Variants in C6orf141 observed in about 807,000 individuals in gnomAD.
C6orf141 encodes chromosome 6 open reading frame 141, also known as uncharacterized protein C6orf141.
For synonymous variants in C6orf141, 164 were observed against 140.5 expected, an observed-to-expected ratio of 1.17 and a Z score of -1.18; for missense variants, 361 against 335.8, an observed-to-expected ratio of 1.07 and a Z score of -0.59.
chr6:49,560,891 A>T (rs974630212), intron 4 of C6orf141: 2 of 152,146 alleles, frequency 1.3e-5, no homozygotes, highest in African/African-American at 4.8e-5. Flanking sequence ...AATTCTCGTG[A>T]TTATTGCTTA....
intron 4 of C6orf141, among the ~76,000 whole-genome samples, chr6:49,559,778 AC>A (rs1440263586): frequency 6.6e-6 from 1 of 152,208 alleles, no homozygotes; most frequent in Non-Finnish European, 1.5e-5. Flanking sequence ...CATAAGGGGT[AC>A]CACATAATTT....
downstream of C6orf141, chr6:49,552,378 TCTC>T (rs1183986875): frequency 1.3e-5 from 2 of 152,272 alleles, no homozygotes; most frequent in East Asian, 1.9e-4. Flanking sequence ...TTCAAAAAAA[TCTC>T]CTCTGGTAAT....
downstream of C6orf141, chr6:49,552,599 A>G (rs7762249): frequency 0.98 from 149,476 of 152,354 alleles, 73,397 homozygotes; most frequent in East Asian, 1. Flanking sequence ...ATGAGCAAAT[A>G]GTTGAAAAGT....
rs1296901555 is a variant in C6orf141 at position 49,551,293 on chromosome 6, A to T, written c.501A>T (p.Val167=). 1.0e-5 allele frequency: 16 copies of T among 1,551,546 alleles called. No homozygotes were observed. Among genetic ancestry groups the T allele is most frequent in the Admixed American group, 2.0e-5 (1 of 50,972 alleles). The part of the protein sequence containing the change: ...YVLVRVEDYQ[V]TQEVLQTSWA... ...TTGTGCGGGTGGAGGATTATCAGGT[A>T]ACACAAGAAGTGTTGCAGACCTCCT... Residue 167 remains valine (V), a synonymous_variant, in exon 1 of 1, where the codon GTA becomes GTT. Coordinates refer to ENST00000529246, the MANE Select transcript of C6orf141 (RefSeq NM_001145652.2).
At chr6:49,553,193 G>C (rs1290139309), downstream of C6orf141, 2 of 152,328 alleles carry the variant, frequency 1.3e-5, no homozygotes, top group Non-Finnish European at 2.9e-5. Flanking sequence ...GCCTCCCAAA[G>C]TGCTGGGATT....
rs756975481 is a variant in C6orf141 at position 49,550,909 on chromosome 6, G to C, written c.117G>C (p.Gly39=). The part of the protein sequence containing the change: ...LGPFPREVGR[G]APLAPGARNP... ...CTTTTCCGCGGGAGGTAGGGCGCGG[G>C]GCTCCGCTAGCTCCGGGCGCCCGGA... Residue 39 remains glycine, a synonymous_variant, in exon 1 of 1, where the codon GGG becomes GGC. Coordinates refer to ENST00000529246, the MANE Select transcript of C6orf141 (RefSeq NM_001145652.2). 2 of 1,534,930 alleles carry C rather than the reference G, an allele frequency of 1.3e-6. No homozygotes were observed. The highest frequency in any genetic ancestry group is 4.9e-5 in the East Asian group (2 of 40,724).
Position 49,560,713 on chromosome 6 carries a change from G to A in C6orf141, c.*764-991G>A, listed in dbSNP as rs149058578. 1,432 of 152,240 alleles carry A rather than the reference G, an allele frequency of 9.4e-3. 41 individuals are homozygous for A. The highest frequency in any genetic ancestry group is 0.033 in the African/African-American group (1,359 of 41,494). 9.4% of individuals were successfully genotyped at this position (152,240 alleles called of 1,614,324 possible). A position where few individuals can be genotyped will look rare whatever the true frequency, so the allele number is the denominator to read the frequency against. ...GATGGGGTTTTGCCATGTTGGCCAG[G>A]CTGGTCTCGAACTCTTGACCTCAGG... is the stretch of plus-strand genomic sequence containing the variant. On this transcript the variant is annotated intron_variant and NMD_transcript_variant, in intron 4 of 4. Transcript: ENST00000371194.
chr6:49,551,154 G>A lies in C6orf141; in HGVS notation c.362G>A (p.Gly121Glu). 1.9e-6 allele frequency: 3 copies of A among 1,551,718 alleles called. No homozygotes were observed. Among genetic ancestry groups the A allele is most frequent in the Non-Finnish European group, 2.6e-6 (3 of 1,147,000 alleles). ...GCAGAGGACCTTCCTCATGCGGGTGGAGAGGACCACGGCGAGGAGCCCAAC... is the reference window on the plus strand; with the variant it reads ...GCAGAGGACCTTCCTCATGCGGGTGAAGAGGACCACGGCGAGGAGCCCAAC... ...AGAEDLPHAG[G>E]EDHGEEPNYP... The change falls in exon 1 of 1, where the codon GGA becomes GAA. Residue 121 changes from glycine to glutamate, a missense_variant. Coordinates refer to ENST00000529246, the MANE Select transcript of C6orf141 (RefSeq NM_001145652.2).
intron 4 of C6orf141, among the ~76,000 whole-genome samples, chr6:49,557,645 A>G (rs1441437488): frequency 1.3e-5 from 2 of 152,142 alleles, no homozygotes; most frequent in African/African-American, 4.8e-5. Flanking sequence ...AAGTGTAATC[A>G]CTGAAAACAA....
At chr6:49,556,632 G>A (rs1377181374), downstream of C6orf141, among the ~76,000 whole-genome samples, 2 of 152,164 alleles carry the variant, frequency 1.3e-5, no homozygotes, top group African/African-American at 4.8e-5. Context: ...GAACTTGTCA[G>A]CCACTTGTGA....
At chr6:49,554,851 C>A (rs6939236), downstream of C6orf141, 42 of 152,306 alleles carry the variant, frequency 2.8e-4, no homozygotes, top group Middle Eastern at 0.031. Context: ...GTAGTAAGTC[C>A]AAATACTGTT....
At chr6:49,559,943 T>C (rs1415946640) in intron 4 of C6orf141, among the ~76,000 whole-genome samples, 2 of 152,196 alleles carry the variant, frequency 1.3e-5, no homozygotes, top group African/African-American at 2.4e-5. Flanking sequence ...CCTGAGGTTA[T>C]AGGGTTTATC....
Position 49,551,136 on chromosome 6 carries a change from A to G in C6orf141, c.344A>G (p.Asp115Gly), listed in dbSNP as rs1049853201. The change falls in exon 1 of 1, where the codon GAC becomes GGC. Residue 115 changes from aspartate to glycine, a missense_variant. Transcript: ENST00000529246. ...CGGGAAGAGGTGGCCGGTGCAGAGG[A>G]CCTTCCTCATGCGGGTGGAGAGGAC... The part of the protein sequence containing the change: ...PAREEVAGAE[D>G]LPHAGGEDHG... The G allele has an allele frequency of 3.9e-6, 6 of 1,551,596 alleles. No homozygotes were observed. In the Admixed American group the frequency reaches 1.2e-4, roughly 30 times the overall value.
chr6:49,551,144 C>T lies in C6orf141; in HGVS notation c.352C>T (p.His118Tyr), dbSNP rs1306590077. 4.5e-6 allele frequency: 7 copies of T among 1,551,584 alleles called. No homozygotes were observed. The highest frequency in any genetic ancestry group is 1.4e-5 in the African/African-American group (1 of 73,052). The change falls in exon 1 of 1, where the codon CAT becomes TAT. Residue 118 changes from histidine to tyrosine, a missense_variant. His to Tyr is a moderately conservative substitution (Grantham distance 83). Coordinates refer to ENST00000529246, the MANE Select transcript of C6orf141 (RefSeq NM_001145652.2). ...GGTGGCCGGTGCAGAGGACCTTCCT[C>T]ATGCGGGTGGAGAGGACCACGGCGA... The part of the protein sequence containing the change: ...EEVAGAEDLP[H>Y]AGGEDHGEEP...
At chr6:49,558,943 G>A (rs540663487) in intron 4 of C6orf141, among the ~76,000 whole-genome samples, 2 of 151,508 alleles carry the variant, frequency 1.3e-5, no homozygotes, top group African/African-American at 2.4e-5. Context: ...TCCTGAACTC[G>A]TGATCCACCT....
exon 1 of C6orf141, chr6:49,551,062 C>CT: frequency 6.4e-7 from 1 of 1,551,580 alleles, no homozygotes. Flanking sequence ...AGAAAGTGCT[C>CT]TTTCTCCTGC....
intron 4 of C6orf141, among the ~76,000 whole-genome samples, chr6:49,558,181 G>A (rs1378228685): frequency 1.3e-5 from 2 of 150,370 alleles, no homozygotes; most frequent in African/African-American, 4.9e-5. Context: ...CGGATAACAG[G>A]TGTGAGCCAC....
In C6orf141 at chr6:49,550,718, C is replaced by T. The variant is rs1441376101; in HGVS notation, c.-75C>T. On this transcript the variant is annotated 5_prime_UTR_variant, in exon 1 of 1. Coordinates refer to ENST00000529246, the MANE Select transcript of C6orf141 (RefSeq NM_001145652.2). ...GTCCGGAGCTGCAGCAGAGGCCACA[C>T]CCAGGGCTTGGTGGTCCCGCGCTTT... is the stretch of plus-strand genomic sequence containing the variant. 6 of 1,307,178 alleles carry T rather than the reference C, an allele frequency of 4.6e-6. No homozygotes were observed. In the Admixed American group the frequency reaches 1.9e-4, roughly 42 times the overall value. The allele number at this position is 1,307,178 out of a possible 1,614,324, so 81.0% of individuals were successfully genotyped here.
At position 49,557,208 on chromosome 6, in the gene C6orf141, C is replaced by T. The variant is rs200499222; in HGVS notation, c.*763+2051C>T. Among the ~76,000 whole-genome samples the T allele has an allele frequency of 7.2e-5, 11 of 152,198 alleles. No homozygotes were observed. In the South Asian group the frequency reaches 1.7e-3, roughly 23 times the overall value. On this transcript the variant is annotated intron_variant and NMD_transcript_variant, in intron 4 of 4. Transcript: ENST00000371194. ...AGGAGGTTGCAGTGAGCTGAGATCGCGCCATTGCACTCCAGCCTGGGCAAC... is the reference window on the plus strand; with the variant it reads ...AGGAGGTTGCAGTGAGCTGAGATCGTGCCATTGCACTCCAGCCTGGGCAAC...
Sources: gnomAD v4.1 joint callset for allele counts (sites outside exome capture counted in the v4.1 genomes callset) on GRCh38, gnomAD v4.1.1 for gene constraint, MANE v1.5 for transcripts, NCBI Gene and HGNC (gene_info 2026-07-23, HGNC 2026-07-21) for gene names.